Variants in G6PD observed in about 807,000 individuals in gnomAD.
G6PD encodes the protein glucose-6-phosphate dehydrogenase.
Under a neutral mutation model 38.2 loss-of-function variants are expected in G6PD, and 2 were observed. The observed-to-expected ratio is 0.05, with a 90% CI of 0.02 to 0.16. The LOEUF is 0.16. G6PD is among the 10% of genes least tolerant of loss of function. The pLI is 1.00. For missense variants in G6PD, 310 were observed against 471.6 expected, an observed-to-expected ratio of 0.66 and a Z score of 3.17; for synonymous variants, 188 against 196.0, an observed-to-expected ratio of 0.96 and a Z score of 0.34.
At chrX:154,538,223 G>T (rs969270448) in intron 2 of G6PD, among the ~76,000 whole-genome samples, 1 of 110,788 alleles carries the variant, frequency 9.0e-6, no homozygotes, top group African/African-American at 3.3e-5. Flanking sequence ...TTGAACTCCT[G>T]GGCTCAAGTG....
intron 5 of G6PD, 25 bp from the exon 6 acceptor site, chrX:154,534,521 A>AC (rs1476041878): frequency 9.1e-6 from 11 of 1,205,403 alleles, no homozygotes; most frequent in Admixed American, 2.2e-5. Context: ...GAGCTGCGTT[A>AC]CCCCCTTGAA....
In G6PD at chrX:154,543,088, C is replaced by T. The variant is rs1432374544; in HGVS notation, c.120+2948G>A. The stretch of plus-strand genomic sequence containing the variant: ...TCAGGCGTGGAAGAAGCCTGGGAGC[C>T]GGAGCTGTTCCAGGTGCTGCCTGAG... On this transcript the variant is annotated intron_variant, in intron 2 of 12. Coordinates refer to ENST00000393562, the MANE Select transcript of G6PD (RefSeq NM_001360016.2). Among the ~76,000 whole-genome samples, 4 of 112,030 alleles carry T rather than the reference C, an allele frequency of 3.6e-5. No homozygotes were observed. The East Asian group carries it at 1.1e-3, about 32-fold the overall frequency.
chrX:154,544,159 C>A (rs1259857405), intron 2 of G6PD, among the ~76,000 whole-genome samples: 1 of 107,403 alleles, frequency 9.3e-6, no homozygotes, highest in Non-Finnish European at 1.9e-5. Context: ...CTGCGCCCGG[C>A]CTTTTTGTTT....
At chrX:154,546,251 C>G in intron 1 of G6PD, 88 bp from the exon 2 acceptor site, 1 of 1,117,547 alleles carries the variant, frequency 8.9e-7, no homozygotes, top group Non-Finnish European at 1.2e-6. Flanking sequence ...TCTGGGGTCT[C>G]ACACCAGGGT....
chrX:154,537,013 A>T (rs2070416117), intron 2 of G6PD, among the ~76,000 whole-genome samples: 2 of 112,293 alleles, frequency 1.8e-5, no homozygotes. Context: ...TTGCTTTTTT[A>T]AAAGGGCATA....
chrX:154,543,960 C>T (rs1370864391), intron 2 of G6PD, among the ~76,000 whole-genome samples: 3 of 108,994 alleles, frequency 2.8e-5, no homozygotes, highest in African/African-American at 6.7e-5. Context: ...CTCCGCCTCC[C>T]GAGTTCACGC....
Position 154,532,413 on chromosome X carries a change from C to T in G6PD, c.1337G>A (p.Cys446Tyr). 8.3e-7 allele frequency: 1 copy of T among 1,211,868 alleles called. No homozygotes were observed. The highest frequency in any genetic ancestry group is 1.7e-5 in the African/African-American group (1 of 57,941). ...AYERLILDVF[C>Y]GSQMHFVRSD... The stretch of plus-strand genomic sequence containing the variant: ...GCGCACGAAGTGCATCTGGCTCCCG[C>T]AGAAGACGTCCAGGATGAGGCGCTC... Residue 446 changes from cysteine (C) to tyrosine (Y), a missense_variant, in exon 11 of 13, where the codon TGC becomes TAC. Coordinates refer to ENST00000393562, the MANE Select transcript of G6PD (RefSeq NM_001360016.2).
At position 154,538,089 on chromosome X, in the gene G6PD, G is replaced by C. The variant is rs782177513; in HGVS notation, c.121-1911C>G. ...AGTTCACTGCAACCTCTGCCTCTGG[G>C]CTCAAGCAATCCTCCCACCTCAGCC... is the stretch of plus-strand genomic sequence containing the variant. On this transcript the variant is annotated intron_variant, in intron 2 of 12. Transcript: ENST00000393562. Among the ~76,000 whole-genome samples, 12 of 109,259 alleles carry C rather than the reference G, an allele frequency of 1.1e-4. 1 individual carries two copies. Among genetic ancestry groups the C allele is most frequent in the African/African-American group, 3.7e-4 (11 of 29,828 alleles). 94.9% of individuals were successfully genotyped at this position (109,259 alleles called of 115,157 possible).
chrX:154,546,105 C>T lies in G6PD; in HGVS notation c.51G>A (p.Arg17=), dbSNP rs1557233193. The T allele has an allele frequency of 1.7e-6, 2 of 1,211,789 alleles. No homozygotes were observed. The highest frequency in any genetic ancestry group is 1.8e-5 in the South Asian group (1 of 57,030). ...LSRTQVCGIL[R]EELFQGDAFH... is the part of the protein sequence containing the mutation. ...AGGCATCGCCCTGGAAAAGCTCTTC[C>T]CGCAGGATCCCGCACACCTGGGTCC... The change falls in exon 2 of 13, where the codon CGG becomes CGA. Residue 17 remains arginine (R), a synonymous_variant. Coordinates refer to ENST00000393562, the MANE Select transcript of G6PD (RefSeq NM_001360016.2).
intron 2 of G6PD, among the ~76,000 whole-genome samples, chrX:154,539,943 A>C (rs1032142907): frequency 7.3e-5 from 8 of 109,831 alleles, no homozygotes; most frequent in Non-Finnish European, 1.5e-4. Flanking sequence ...GGCTGGCCTC[A>C]AACTCCTGAC....
chrX:154,544,776 T>C (rs1180773082), intron 2 of G6PD, among the ~76,000 whole-genome samples: 1 of 112,063 alleles, frequency 8.9e-6, no homozygotes, highest in East Asian at 2.8e-4. Flanking sequence ...CATTCCCTTT[T>C]GGCTCTCCTT....
At chrX:154,538,287 G>A (rs929801227) in intron 2 of G6PD, among the ~76,000 whole-genome samples, 1 of 111,276 alleles carries the variant, frequency 9.0e-6, no homozygotes, top group Non-Finnish European at 1.9e-5. Context: ...GAGCCACGAC[G>A]ACCCACTGAC....
intron 5 of G6PD, 96 bp downstream of exon 5, chrX:154,535,072 G>A: frequency 1.1e-6 from 1 of 898,346 alleles, no homozygotes; most frequent in African/African-American, 1.9e-5. Flanking sequence ...CATGGATGCT[G>A]CCCAGATCCC....
Position 154,535,269 on chromosome X carries a change from G to A in G6PD, c.384C>T (p.Leu128=), listed in dbSNP as rs2148331335. ...YQRLNSHMNA[L]HLGSQANRLF... ...GGCGGTTGGCCTGTGACCCCAGGTG[G>A]AGGGCATTCATGTGGCTGTTGAGGC... Residue 128 remains leucine (L), a synonymous_variant, in exon 5 of 13, where the codon CTC becomes CTT. Coordinates refer to ENST00000393562, the MANE Select transcript of G6PD (RefSeq NM_001360016.2). 4 of 1,212,156 alleles carry A rather than the reference G, an allele frequency of 3.3e-6. No individual in the cohort carries two copies. The highest frequency in any genetic ancestry group is 4.5e-6 in the Non-Finnish European group (4 of 895,512).
chrX:154,542,579 G>C, intron 2 of G6PD: 1 of 901,599 alleles, frequency 1.1e-6, no homozygotes, highest in Non-Finnish European at 1.5e-6. Context: ...GCAAGTGTGA[G>C]GTAAGCTGGC....
intron 2 of G6PD, among the ~76,000 whole-genome samples, chrX:154,543,894 G>C (rs1252192114): frequency 2.0e-5 from 2 of 102,421 alleles, no homozygotes; most frequent in African/African-American, 7.2e-5. Flanking sequence ...TTGAGATGGA[G>C]TCTCACTCTG....
chrX:154,544,021 A>G (rs1248099313), intron 2 of G6PD, among the ~76,000 whole-genome samples: 3 of 108,453 alleles, frequency 2.8e-5, no homozygotes, highest in Non-Finnish European at 5.7e-5. Flanking sequence ...TGCCCACACC[A>G]GGCCTGGCTA....
intron 5 of G6PD, 108 bp from the exon 6 acceptor site, chrX:154,534,604 C>T (rs1185271647): frequency 7.2e-5 from 71 of 984,109 alleles, no homozygotes; most frequent in Non-Finnish European, 9.5e-5. Context: ...GCCAGAACCT[C>T]CTCGCCCCCG....
At position 154,531,815 on chromosome X, in the gene G6PD, T is replaced by G. The variant is rs2070338522; in HGVS notation, c.*185A>C. 4.1e-6 allele frequency: 3 copies of G among 739,998 alleles called. No individual in the cohort carries two copies. The East Asian group carries it at 1.1e-4, about 26-fold the overall frequency. 61.0% of individuals were successfully genotyped at this position (739,998 alleles called of 1,213,427 possible). ...CTGGAGGGGCCAGGATGGTCTCGAGTGCTTGGCAGCTGAGGAATGTAGCTG... is the reference window on the plus strand; with the variant it reads ...CTGGAGGGGCCAGGATGGTCTCGAGGGCTTGGCAGCTGAGGAATGTAGCTG... On this transcript the variant is annotated 3_prime_UTR_variant, in exon 13 of 13. Transcript: ENST00000393562.
Sources: allele counts gnomAD v4.1 joint callset (sites outside exome capture counted in the v4.1 genomes callset), GRCh38; gene constraint gnomAD v4.1.1; transcripts MANE v1.5; gene names NCBI Gene and HGNC (gene_info 2026-07-23, HGNC 2026-07-21).